The following KIRREL2 variants were observed in gnomAD, a reference collection of about 807,000 sequenced individuals.
KIRREL2 encodes kin of IRRE-like protein 2.
In KIRREL2, 56 loss-of-function variants were observed where a neutral mutation model predicts 73.4. The ratio of observed to expected loss-of-function variants is 0.76; its 90% CI spans 0.62 to 0.95. The LOEUF (loss-of-function observed/expected upper bound fraction) is 0.95, where lower values mean the gene tolerates loss of function less well. Among genes scored for constraint, KIRREL2 ranks in the 40% least tolerant of loss-of-function variants. The probability of loss-of-function intolerance (pLI) is 0.00; values close to 1 mark genes in which losing one functional copy is unlikely to be tolerated. For missense variants in KIRREL2, 896 were observed against 935.0 expected, an observed-to-expected ratio of 0.96 and a Z score of 0.54; for synonymous variants, 407 against 404.0, an observed-to-expected ratio of 1.01 and a Z score of -0.09.
chr19:35,862,650 C>A, intron 12 of KIRREL2, 53 bp downstream of exon 12: 2 of 1,367,348 alleles, frequency 1.5e-6, no homozygotes, highest in Non-Finnish European at 2.1e-6. Context: ...CACACGCGCC[C>A]TGCCTGCCCA....
At chr19:35,853,513 C>A (rs1431509795), upstream of KIRREL2, among the ~76,000 whole-genome samples, 3 of 152,080 alleles carry the variant, frequency 2.0e-5, no homozygotes, top group Non-Finnish European at 4.4e-5. Flanking sequence ...ATTTATCTTT[C>A]TTTCTTTTGA....
At position 35,866,338 on chromosome 19, in the gene KIRREL2, G is replaced by C. The variant is rs1973967451; in HGVS notation, c.1973G>C (p.Arg658Thr). The C allele has an allele frequency of 3.1e-6, 5 of 1,612,202 alleles. No homozygotes were observed. The highest frequency in any genetic ancestry group is 3.4e-6 in the Non-Finnish European group (4 of 1,178,874). ...CCCCCCTGCAGACTTTACAGAGCCA[G>C]GGCAGGCTATCTCACCACACCCCAC... ...MVPPCRLYRARAGYLTTPHPR... is the reference protein window; with the variant it reads ...MVPPCRLYRATAGYLTTPHPR... The change falls in exon 15 of 15, where the codon AGG becomes ACG. Residue 658 changes from arginine to threonine, a missense_variant. Arg to Thr is a moderately conservative substitution (Grantham distance 71, BLOSUM62 -1). Transcript: ENST00000360202.
At chr19:35,855,096 C>T (rs1973376580), upstream of KIRREL2, among the ~76,000 whole-genome samples, 2 of 152,162 alleles carry the variant, frequency 1.3e-5, no homozygotes, top group African/African-American at 4.8e-5. Context: ...CCCCCAGCTT[C>T]ATCCTCGATG....
chr19:35,862,912 G>T lies in KIRREL2; in HGVS notation c.1616-15G>T. 6.6e-7 allele frequency: 1 copy of T among 1,509,904 alleles called. No homozygotes were observed. The highest frequency in any genetic ancestry group is 1.4e-5 in the African/African-American group (1 of 72,510). The allele number at this position is 1,509,904 out of a possible 1,614,324, so 93.5% of individuals were successfully genotyped here. ...CCCCGCCCATCGCTTAACTCCACCG[G>T]TCGCTGTTTGTCAGCCTCAGCCTCT... On this transcript the variant is annotated splice_polypyrimidine_tract_variant and intron_variant, in intron 12 of 14. Coordinates refer to ENST00000360202, the MANE Select transcript of KIRREL2 (RefSeq NM_199180.4).
chr19:35,861,957 G>A lies in KIRREL2; in HGVS notation c.1443G>A (p.Arg481=). Residue 481 remains arginine, a synonymous_variant, in exon 11 of 15, where the codon AGG becomes AGA. Transcript: ENST00000360202. ...ISGTQESDFS[R]SFNCSARNRL... ...GGACCCAGGAGTCTGACTTTAGCAG[G>A]AGCTTTAACTGCAGTGCCCGGAACC... 1.2e-6 allele frequency: 2 copies of A among 1,613,354 alleles called. No homozygotes were observed. Among genetic ancestry groups the A allele is most frequent in the Non-Finnish European group, 1.7e-6 (2 of 1,179,794 alleles).
rs541355037 is a variant in KIRREL2 at position 35,866,801 on chromosome 19, G to T, written c.*309G>T. ...GTGGGTGTTGGGAGTTTGGGGCCGG[G>T]ATGGAAGTTGTTTCTAGCCACTGAA... On this transcript the variant is annotated 3_prime_UTR_variant, in exon 15 of 15. Coordinates refer to ENST00000360202, the MANE Select transcript of KIRREL2 (RefSeq NM_199180.4). The T allele has an allele frequency of 4.0e-6, 2 of 500,660 alleles. No individual in the cohort carries two copies. Among genetic ancestry groups the T allele is most frequent in the Non-Finnish European group, 6.9e-6 (2 of 287,828 alleles). The allele number at this position is 500,660 out of a possible 1,614,324, so 31.0% of individuals were successfully genotyped here. A position where few individuals can be genotyped will look rare whatever the true frequency, so the allele number is the denominator to read the frequency against.
chr19:35,851,412 G>A (rs1464721619), upstream of KIRREL2: 9 of 1,612,224 alleles, frequency 5.6e-6, no homozygotes, highest in South Asian at 2.2e-5. Flanking sequence ...AGTCAGGGCC[G>A]CAGCTTCCGC....
chr19:35,851,917 T>C, upstream of KIRREL2: 1 of 1,201,336 alleles, frequency 8.3e-7, no homozygotes, highest in Non-Finnish European at 1.2e-6. Context: ...GGTCCCTCTC[T>C]GTGTGTCTCT....
At position 35,861,002 on chromosome 19, in the gene KIRREL2, C is replaced by T. The variant is rs763300598; in HGVS notation, c.1022C>T (p.Pro341Leu). ...TGCGCCTGGCGCGGGAACCCGCTTC[C>T]ACGGGTAACCTGGACCCGCCGCGGT... The part of the protein sequence containing the change: ...FSCAWRGNPL[P>L]RVTWTRRGGA... Residue 341 changes from proline to leucine, a missense_variant, in exon 8 of 15, where the codon CCA becomes CTA. Physicochemically the swap from Pro to Leu is moderately conservative, Grantham distance 98. Transcript: ENST00000360202. The T allele has an allele frequency of 5.0e-6, 8 of 1,612,630 alleles. 1 individual carries two copies. The highest frequency in any genetic ancestry group is 5.9e-6 in the Non-Finnish European group (7 of 1,179,528).
rs1216174505 is a variant in KIRREL2 at position 35,864,461 on chromosome 19, AT to A, written c.1726-185del. 2.0e-5 allele frequency among the ~76,000 whole-genome samples: 3 copies of A among 152,100 alleles called. No individual in the cohort carries two copies. In the South Asian group the frequency reaches 6.2e-4, roughly 32 times the overall value. On this transcript the variant is annotated intron_variant, in intron 13 of 14. Coordinates refer to ENST00000360202, the MANE Select transcript of KIRREL2 (RefSeq NM_199180.4). ...TGCTGCGGCCTCCCAAAGTGCTGGG[AT>A]TACATGCATGAGCCACTGTGCTGGC... is the stretch of plus-strand genomic sequence containing the variant.
rs370417396 is a variant in KIRREL2 at position 35,866,255 on chromosome 19, C to A, written c.1890C>A (p.Pro630=). ...GTCTCTTCCTGCCACCACCCTCCCC[C>A]CTTGGGCCCCCAGGGACCCCTACCT... ...GGGLFLPPPS[P]LGPPGTPTFY... The change falls in exon 15 of 15, where the codon CCC becomes CCA. Residue 630 remains proline, a synonymous_variant. Coordinates refer to ENST00000360202, the MANE Select transcript of KIRREL2 (RefSeq NM_199180.4). The A allele has an allele frequency of 1.2e-5, 20 of 1,609,262 alleles. No homozygotes were observed. Among genetic ancestry groups the A allele is most frequent in the Middle Eastern group, 1.6e-4 (1 of 6,062 alleles).
chr19:35,866,880 G>A lies in KIRREL2; in HGVS notation c.*388G>A, dbSNP rs1973994320. Reference sequence around the variant, plus strand: ...TTGAGAGGAAAGGTAGCATAGGATAGATGAAGATGAAGAGCATACCAGGCC... The same window carrying A: ...TTGAGAGGAAAGGTAGCATAGGATAAATGAAGATGAAGAGCATACCAGGCC... On this transcript the variant is annotated 3_prime_UTR_variant, in exon 15 of 15. Coordinates refer to ENST00000360202, the MANE Select transcript of KIRREL2 (RefSeq NM_199180.4). 14 of 290,956 alleles carry A rather than the reference G, an allele frequency of 4.8e-5. No individual in the cohort carries two copies. The South Asian group carries it at 6.0e-4, about 12-fold the overall frequency. 18.0% of individuals were successfully genotyped at this position (290,956 alleles called of 1,614,324 possible).
rs1439192947 is a variant in KIRREL2, at chr19:35,861,019, C to T, written c.1039C>T (p.Arg347Cys). 3.7e-6 allele frequency: 6 copies of T among 1,611,810 alleles called. No individual in the cohort carries two copies. Among genetic ancestry groups the T allele is most frequent in the Non-Finnish European group, 4.2e-6 (5 of 1,179,316 alleles). ...GNPLPRVTWT[R>C]RGGAQVLGSG... Reference sequence around the variant, plus strand: ...CCCGCTTCCACGGGTAACCTGGACCCGCCGCGGTGGCGCGCAGGTACAGCC... The same window carrying T: ...CCCGCTTCCACGGGTAACCTGGACCTGCCGCGGTGGCGCGCAGGTACAGCC... The change falls in exon 8 of 15, where the codon CGC (arginine) becomes TGC (cysteine). Residue 347 changes from arginine (R) to cysteine (C), a missense_variant. Arg to Cys is a radical substitution (Grantham distance 180). Coordinates refer to ENST00000360202, the MANE Select transcript of KIRREL2 (RefSeq NM_199180.4).
upstream of KIRREL2, among the ~76,000 whole-genome samples, chr19:35,852,871 C>T (rs1387627355): frequency 6.6e-6 from 1 of 152,030 alleles, no homozygotes; most frequent in African/African-American, 2.4e-5. Flanking sequence ...TTCCACCTCC[C>T]ATGGCTTGAA....
chr19:35,858,594 G>C (rs778136424), intron 3 of KIRREL2, 37 bp downstream of exon 3: 1 of 1,612,850 alleles, frequency 6.2e-7, no homozygotes, highest in Non-Finnish European at 8.5e-7. Flanking sequence ...GGGAGCCCAA[G>C]AGGGCAGCCC....
In KIRREL2 at chr19:35,862,978, G is replaced by A. The variant is rs35775934; in HGVS notation, c.1667G>A (p.Ser556Asn). 10,387 of 1,593,708 alleles carry A rather than the reference G, an allele frequency of 6.5e-3. 590 individuals are homozygous for A. In the African/African-American group the frequency reaches 0.12, roughly 19 times the overall value. Reference sequence around the variant, plus strand: ...AACCTGATGCGAATCCCTGGCAGCAGCGACGGCTCCAGTTCACGAGGTCCT... The same window carrying A: ...AACCTGATGCGAATCCCTGGCAGCAACGACGGCTCCAGTTCACGAGGTCCT... Reference protein sequence around the residue: ...QKNLMRIPGSSDGSSSRGPEE... With the variant: ...QKNLMRIPGSNDGSSSRGPEE... Residue 556 changes from serine to asparagine, a missense_variant, in exon 13 of 15, where the codon AGC becomes AAC. Transcript: ENST00000360202.
intron 13 of KIRREL2, among the ~76,000 whole-genome samples, chr19:35,863,955 T>C (rs1329772965): frequency 6.6e-6 from 1 of 151,900 alleles, no homozygotes; most frequent in Non-Finnish European, 1.5e-5. Context: ...TTTGTATTTT[T>C]AGTAGAGACG....
At chr19:35,852,569 T>TCCCAGCTGG (rs1973297996), upstream of KIRREL2, among the ~76,000 whole-genome samples, 1 of 152,064 alleles carries the variant, frequency 6.6e-6, no homozygotes, top group African/African-American at 2.4e-5. Context: ...AGCAGGCTCC[T>TCCCAGCTGG]CCCAGCTGGC....
chr19:35,861,279 G>T (rs778919129), intron 9 of KIRREL2, 25 bp downstream of exon 9: 2 of 1,517,452 alleles, frequency 1.3e-6, no homozygotes, highest in East Asian at 4.5e-5. Context: ...CTTCCTAGGG[G>T]ACCTGGCCCG....
Sources: allele counts gnomAD v4.1 joint callset (sites outside exome capture counted in the v4.1 genomes callset), GRCh38; gene constraint gnomAD v4.1.1; transcripts MANE v1.5; gene names NCBI Gene and HGNC (gene_info 2026-07-23, HGNC 2026-07-21).